GNA14: variants seen among roughly 807,000 people sequenced by gnomAD.
GNA14 encodes the protein guanine nucleotide-binding protein subunit alpha-14.
A neutral mutation model predicts 42.0 loss-of-function variants in GNA14; 50 were observed. That is an observed-to-expected ratio of 1.19 (90% confidence interval 0.95 to 1.51). GNA14 has a LOEUF of 1.51. Ranked by LOEUF, GNA14 falls within the 40% of genes most tolerant of loss-of-function variation. The pLI, the probability that GNA14 is intolerant of heterozygous loss-of-function variation, is 0.00. For missense variants in GNA14, 473 were observed against 446.2 expected (o/e 1.06, Z -0.54); for synonymous variants, 173 against 163.1 (o/e 1.06, Z -0.46).
intron 2 of GNA14, among the ~76,000 whole-genome samples, chr9:77,439,621 A>C (rs1835696743): frequency 6.6e-6 from 1 of 152,184 alleles, no homozygotes; most frequent in Non-Finnish European, 1.5e-5. Flanking sequence ...TGAGTGAAAG[A>C]GTGAGATACT....
chr9:77,472,786 T>C (rs1200826194), intron 2 of GNA14, among the ~76,000 whole-genome samples: 1 of 105,714 alleles, frequency 9.5e-6, no homozygotes, highest in Admixed American at 9.0e-5. Flanking sequence ...AGACATGACA[T>C]GATCTCTCTC....
At chr9:77,629,183 C>T (rs1234966617) in intron 1 of GNA14, among the ~76,000 whole-genome samples, 1 of 152,122 alleles carries the variant, frequency 6.6e-6, no homozygotes, top group Non-Finnish European at 1.5e-5. Flanking sequence ...AATGAGATAC[C>T]CTCTCACGCC....
chr9:77,517,687 G>C (rs1837282325), intron 2 of GNA14: 1 of 127,286 alleles, frequency 7.9e-6, no homozygotes. Context: ...GCTCACTGCA[G>C]CCTCGACATC....
At chr9:77,464,704 G>A (rs1836189870) in intron 2 of GNA14, among the ~76,000 whole-genome samples, 1 of 152,136 alleles carries the variant, frequency 6.6e-6, no homozygotes, top group Non-Finnish European at 1.5e-5. Flanking sequence ...TACCTATTAG[G>A]ATTCTATGGG....
At chr9:77,549,395 T>C (rs567459797) in intron 1 of GNA14, among the ~76,000 whole-genome samples, 9 of 152,312 alleles carry the variant, frequency 5.9e-5, no homozygotes, top group African/African-American at 2.2e-4. Context: ...CCATGAATTC[T>C]AACACCCTGT....
At chr9:77,606,893 A>C (rs1465586018) in intron 1 of GNA14, among the ~76,000 whole-genome samples, 2 of 152,106 alleles carry the variant, frequency 1.3e-5, no homozygotes, top group Non-Finnish European at 2.9e-5. Flanking sequence ...CCAGGTTGGG[A>C]TTTATCTTAT....
chr9:77,501,090 G>A (rs1004844897), intron 2 of GNA14, among the ~76,000 whole-genome samples: 1 of 152,108 alleles, frequency 6.6e-6, no homozygotes, highest in South Asian at 2.1e-4. Context: ...AAATAACTGG[G>A]ACTACAGGCA....
At chr9:77,525,484 G>C (rs1837418685) in intron 2 of GNA14, among the ~76,000 whole-genome samples, 1 of 151,952 alleles carries the variant, frequency 6.6e-6, no homozygotes, top group Admixed American at 6.6e-5. Context: ...CAATGGACTT[G>C]TATCCTAGTT....
At chr9:77,459,880 G>C (rs1836074255) in intron 2 of GNA14, among the ~76,000 whole-genome samples, 1 of 152,076 alleles carries the variant, frequency 6.6e-6, no homozygotes, top group South Asian at 2.1e-4. Context: ...CAGGCATTCT[G>C]TGCCCTGCCC....
chr9:77,641,109 GAAGGAAGGAAGGAA>G (rs1564073622), intron 1 of GNA14, among the ~76,000 whole-genome samples: 1 of 5,258 alleles, frequency 1.9e-4, no homozygotes, highest in African/African-American at 7.2e-4. Flanking sequence ...GGGAAGGAAG[GAAGGAAGGAAGGAA>G]GGAAGGAAGG....
chr9:77,440,541 T>A (rs1018674508), intron 2 of GNA14, among the ~76,000 whole-genome samples: 3 of 152,258 alleles, frequency 2.0e-5, no homozygotes, highest in African/African-American at 7.2e-5. Flanking sequence ...TAATTTCTAT[T>A]TACTTATATT....
At chr9:77,623,757 C>T (rs561815154) in intron 1 of GNA14, among the ~76,000 whole-genome samples, 4 of 152,324 alleles carry the variant, frequency 2.6e-5, no homozygotes, top group South Asian at 2.1e-4. Context: ...ACTTTTCCGA[C>T]GGTCTTCGGA....
intron 2 of GNA14, among the ~76,000 whole-genome samples, chr9:77,515,396 G>T (rs1837235874): frequency 1.3e-5 from 2 of 152,204 alleles, no homozygotes; most frequent in Non-Finnish European, 2.9e-5. Flanking sequence ...AAAGAAAGGA[G>T]GTCACTGTGG....
intron 2 of GNA14, among the ~76,000 whole-genome samples, chr9:77,525,885 G>A (rs1265028293): frequency 7.0e-6 from 1 of 142,112 alleles, no homozygotes; most frequent in Non-Finnish European, 1.5e-5. Flanking sequence ...ACCTAATTTA[G>A]ACAATGAGAT....
intron 1 of GNA14, among the ~76,000 whole-genome samples, chr9:77,535,218 T>C (rs545431888): frequency 3.3e-4 from 51 of 152,304 alleles, no homozygotes; most frequent in Non-Finnish European, 5.3e-4. Context: ...CACCTGTGTG[T>C]ACTGCAACCC....
intron 1 of GNA14, among the ~76,000 whole-genome samples, chr9:77,636,643 A>G (rs1247187618): frequency 7.3e-6 from 1 of 137,746 alleles, no homozygotes; most frequent in African/African-American, 3.2e-5. Context: ...ATGTGGTAAG[A>G]GAGGAAGCAA....
At chr9:77,438,560 G>A (rs950310654) in intron 2 of GNA14, among the ~76,000 whole-genome samples, 3 of 151,486 alleles carry the variant, frequency 2.0e-5, no homozygotes, top group African/African-American at 7.3e-5. Context: ...AAGCCACCAC[G>A]CCTAGCCGAT....
intron 5 of GNA14, among the ~76,000 whole-genome samples, chr9:77,427,598 A>AC: frequency 8.0e-6 from 1 of 124,552 alleles, no homozygotes; most frequent in African/African-American, 3.0e-5. Context: ...AGTTCAGGGG[A>AC]AAAGATGACG....
intron 2 of GNA14, among the ~76,000 whole-genome samples, chr9:77,501,354 C>T (rs1197261226): frequency 2.0e-5 from 3 of 152,184 alleles, no homozygotes; most frequent in South Asian, 2.1e-4. Context: ...CCACATTACC[C>T]CCAGCATTTG....
Sources: gnomAD v4.1 joint callset for allele counts (sites outside exome capture counted in the v4.1 genomes callset) on GRCh38, gnomAD v4.1.1 for gene constraint, MANE v1.5 for transcripts, NCBI Gene and HGNC (gene_info 2026-07-23, HGNC 2026-07-21) for gene names.